Variants in COG5 observed in about 807,000 individuals in gnomAD.
COG5 encodes the protein conserved oligomeric Golgi complex subunit 5.
A neutral mutation model predicts 110.4 loss-of-function variants in COG5; 86 were observed. The observed-to-expected ratio is 0.78, with a 90% CI of 0.65 to 0.93. The LOEUF (loss-of-function observed/expected upper bound fraction) is 0.93, where lower values mean the gene tolerates loss of function less well. Among genes scored for constraint, COG5 ranks in the 40% least tolerant of loss-of-function variants. The pLI is 0.00. For synonymous variants in COG5, 360 were observed against 334.6 expected, an observed-to-expected ratio of 1.08 and a Z score of -0.83; for missense variants, 1,077 against 987.0, an observed-to-expected ratio of 1.09 and a Z score of -1.22.
intron 6 of COG5, among the ~76,000 whole-genome samples, chr7:107,477,860 T>C (rs1797083708): frequency 1.3e-5 from 2 of 151,908 alleles, no homozygotes; most frequent in Admixed American, 1.3e-4. Flanking sequence ...TCTATTTTCT[T>C]TACGTTGGTC....
rs186616783 is a variant in COG5 at position 107,541,325 on chromosome 7, G to A, written c.417+6786C>T. On this transcript the variant is annotated intron_variant, in intron 5 of 21. Transcript: ENST00000297135. ...CAACCTGAGCAGCAGGACAGAACCCGGTCTCTACAAAAAATACAAAAATTG... is the reference window on the plus strand; with the variant it reads ...CAACCTGAGCAGCAGGACAGAACCCAGTCTCTACAAAAAATACAAAAATTG... Among the ~76,000 whole-genome samples, 785 of 149,356 alleles carry A rather than the reference G, an allele frequency of 5.3e-3. 8 individuals carry two copies. Among genetic ancestry groups the A allele is most frequent in the African/African-American group, 0.018 (751 of 40,616 alleles).
chr7:107,294,879 ATTTGTGTGTGTGTGTGTG>A (rs2116887938), intron 12 of COG5, among the ~76,000 whole-genome samples: 1 of 36,940 alleles, frequency 2.7e-5, no homozygotes, highest in East Asian at 9.4e-4. Flanking sequence ...CCATGCCTGG[ATTTGTGTGTGTGTGTGTG>A]TGTGTGTGTG....
chr7:107,352,304 G>T (rs1308260565), intron 10 of COG5, among the ~76,000 whole-genome samples: 2 of 102,218 alleles, frequency 2.0e-5, no homozygotes, highest in Admixed American at 1.3e-4. Flanking sequence ...CTGTTGTGGG[G>T]TGGGGGGAGG....
At chr7:107,431,216 C>T (rs745554379) in intron 6 of COG5, among the ~76,000 whole-genome samples, 1 of 152,110 alleles carries the variant, frequency 6.6e-6, no homozygotes, top group Admixed American at 6.5e-5. Context: ...AACTAATACA[C>T]CCAATACATC....
intron 14 of COG5, among the ~76,000 whole-genome samples, chr7:107,270,258 C>CTT (rs10611550): frequency 0.018 from 2,453 of 138,294 alleles, 84 homozygotes; most frequent in African/African-American, 0.061. Flanking sequence ...CTCACACGTG[C>CTT]TTTTTTTTTT....
chr7:107,289,621 C>T (rs1370717263), intron 12 of COG5, among the ~76,000 whole-genome samples: 1 of 152,146 alleles, frequency 6.6e-6, no homozygotes, highest in Non-Finnish European at 1.5e-5. Flanking sequence ...AAGGTCAAGT[C>T]TTGCAATTCA....
intron 3 of COG5, chr7:107,549,232 A>C (rs979292609): frequency 6.6e-6 from 1 of 152,158 alleles, no homozygotes; most frequent in Non-Finnish European, 1.5e-5. Context: ...TCCACAACCC[A>C]GTCTCAATGG....
chr7:107,360,160 C>G (rs1812985618), intron 10 of COG5, among the ~76,000 whole-genome samples: 1 of 152,232 alleles, frequency 6.6e-6, no homozygotes, highest in African/African-American at 2.4e-5. Flanking sequence ...CAGATCTCCT[C>G]TACACTGAGG....
intron 10 of COG5, among the ~76,000 whole-genome samples, chr7:107,346,109 A>G (rs538732873): frequency 1.3e-5 from 2 of 152,324 alleles, no homozygotes; most frequent in South Asian, 4.1e-4. Flanking sequence ...GAGGAAGTGA[A>G]AAATTCATAA....
At chr7:107,285,374 T>G (rs1409413653) in intron 12 of COG5, among the ~76,000 whole-genome samples, 1 of 152,214 alleles carries the variant, frequency 6.6e-6, no homozygotes, top group African/African-American at 2.4e-5. Flanking sequence ...TGCAGAAATT[T>G]TGGCACTGAA....
At chr7:107,281,545 A>T (rs1255706563) in intron 13 of COG5, 146 bp from the exon 14 acceptor site, 2 of 680,356 alleles carry the variant, frequency 2.9e-6, no homozygotes, top group Non-Finnish European at 2.6e-6. Flanking sequence ...GCATTGTTTC[A>T]TTTTACCCCC....
intron 17 of COG5, among the ~76,000 whole-genome samples, chr7:107,240,968 G>A (rs73187330): frequency 2.0e-5 from 3 of 152,074 alleles, no homozygotes; most frequent in Non-Finnish European, 2.9e-5. Flanking sequence ...AAAGCAACTG[G>A]GAAAAAAAAT....
chr7:107,488,044 T>C (rs1028832054), intron 6 of COG5, among the ~76,000 whole-genome samples: 1 of 152,064 alleles, frequency 6.6e-6, no homozygotes, highest in African/African-American at 2.4e-5. Flanking sequence ...AATGTAACTT[T>C]ACAAATTAAA....
intron 1 of COG5, among the ~76,000 whole-genome samples, chr7:107,559,780 T>C (rs1298815477): frequency 6.6e-6 from 1 of 152,120 alleles, no homozygotes; most frequent in Non-Finnish European, 1.5e-5. Context: ...AAAAAGCCAT[T>C]CCAAGCAAAG....
intron 7 of COG5, among the ~76,000 whole-genome samples, chr7:107,377,804 C>T (rs1346981992): frequency 1.3e-5 from 2 of 152,202 alleles, no homozygotes; most frequent in Non-Finnish European, 2.9e-5. Context: ...CAGTCAGGGG[C>T]TTATAGGTAA....
intron 10 of COG5, among the ~76,000 whole-genome samples, chr7:107,353,377 A>G (rs1318576979): frequency 2.1e-5 from 3 of 145,918 alleles, no homozygotes; most frequent in Non-Finnish European, 3.0e-5. Flanking sequence ...GTGAGCCGAG[A>G]TCCCGCCACT....
chr7:107,532,104 T>A lies in COG5; in HGVS notation c.418-4747A>T, dbSNP rs556456617. ...ACGGTTTCGCTTTTGTCGCCCAGGC[T>A]AGAGTACAATGGCACAACCTTGGCT... On this transcript the variant is annotated intron_variant, in intron 5 of 21. Coordinates refer to ENST00000297135, the MANE Select transcript of COG5 (RefSeq NM_006348.5). 2.0e-5 allele frequency among the ~76,000 whole-genome samples: 3 copies of A among 152,318 alleles called. No individual in the cohort carries two copies. The South Asian group carries it at 6.2e-4, about 32-fold the overall frequency.
intron 14 of COG5, among the ~76,000 whole-genome samples, chr7:107,275,270 T>C (rs1804610494): frequency 1.4e-5 from 2 of 147,488 alleles, no homozygotes; most frequent in East Asian, 2.0e-4. Context: ...CTGGCCAAAA[T>C]AGTGAGAACC....
chr7:107,462,973 T>C (rs1047931968), intron 6 of COG5, among the ~76,000 whole-genome samples: 1 of 152,222 alleles, frequency 6.6e-6, no homozygotes, highest in Non-Finnish European at 1.5e-5. Flanking sequence ...ATAAAAAGGT[T>C]AATCAAGGGG....
Sources: allele counts gnomAD v4.1 joint callset (sites outside exome capture counted in the v4.1 genomes callset), GRCh38; gene constraint gnomAD v4.1.1; transcripts MANE v1.5; gene names NCBI Gene and HGNC (gene_info 2026-07-23, HGNC 2026-07-21).